C1R: variants seen among roughly 807,000 people sequenced by gnomAD.
C1R encodes complement C1r subcomponent.
In C1R, 15 loss-of-function variants were observed where a neutral mutation model predicts 27.6. The observed-to-expected ratio is 0.54, with a 90% CI of 0.36 to 0.84. The LOEUF (loss-of-function observed/expected upper bound fraction) is 0.84, where lower values mean the gene tolerates loss of function less well. Ranked by LOEUF, C1R falls within the 40% of genes least tolerant of loss-of-function variation. The probability of loss-of-function intolerance (pLI) is 0.01; values close to 1 mark genes in which losing one functional copy is unlikely to be tolerated. For synonymous variants in C1R, 253 were observed against 228.8 expected, an observed-to-expected ratio of 1.11 and a Z score of -0.95; for missense variants, 544 against 577.9, an observed-to-expected ratio of 0.94 and a Z score of 0.60.
At chr12:7,083,444 A>G (rs1938101816) in intron 9 of C1R, among the ~76,000 whole-genome samples, 1 of 145,172 alleles carries the variant, frequency 6.9e-6, no homozygotes, top group Admixed American at 6.8e-5. Context: ...GGTGTTTGTA[A>G]TGGTGATAGT....
chr12:7,086,466 C>T lies in C1R; in HGVS notation c.1039-9G>A, dbSNP rs1032657806. Reference sequence around the variant, plus strand: ...TGCAGCACCTGGTTCCCCTGTTGAGCAGAGGATAGAGGTGCCATCAGTGCC... The same window carrying T: ...TGCAGCACCTGGTTCCCCTGTTGAGTAGAGGATAGAGGTGCCATCAGTGCC... On this transcript the variant is annotated splice_polypyrimidine_tract_variant and intron_variant, in intron 7 of 10. Coordinates refer to ENST00000647956, the MANE Select transcript of C1R (RefSeq NM_001733.7). The T allele has an allele frequency of 5.0e-5, 20 of 398,546 alleles. No individual in the cohort carries two copies. The highest frequency in any genetic ancestry group is 6.2e-4 in the Middle Eastern group (1 of 1,610). The allele number at this position is 398,546 out of a possible 1,614,324, so 24.7% of individuals were successfully genotyped here.
chr12:7,080,841 A>C lies in C1R; in HGVS notation c.1809T>G (p.Ile603Met). Reference sequence around the variant, plus strand: ...GACGGACAAACCTGAGGTCATGAGCAATCTTCTCCTCCATGACCCCGAAGC... The same window carrying C: ...GACGGACAAACCTGAGGTCATGAGCCATCTTCTCCTCCATGACCCCGAAGC... ...VSGFGVMEEK[I>M]AHDLRFVRLP... Residue 603 changes from isoleucine to methionine, a missense_variant, in exon 11 of 11, where the codon ATT becomes ATG. Ile to Met is a conservative substitution (Grantham distance 10). Coordinates refer to ENST00000647956, the MANE Select transcript of C1R (RefSeq NM_001733.7). The surrounding 1 kb of genome is among the most constrained non-coding windows in gnomAD (Gnocchi z 4.9). 6.2e-7 allele frequency: 1 copy of C among 1,613,944 alleles called. No homozygotes were observed. The highest frequency in any genetic ancestry group is 8.5e-7 in the Non-Finnish European group (1 of 1,179,862).
Position 7,080,907 on chromosome 12 carries a change from G to A in C1R, c.1743C>T (p.Asn581=), listed in dbSNP as rs373148972. 20 of 1,613,232 alleles carry A rather than the reference G, an allele frequency of 1.2e-5. No individual in the cohort carries two copies. The highest frequency in any genetic ancestry group is 1.7e-5 in the Admixed American group (1 of 59,990). Residue 581 remains asparagine (N), a synonymous_variant, in exon 11 of 11, where the codon AAC becomes AAT. Coordinates refer to ENST00000647956, the MANE Select transcript of C1R (RefSeq NM_001733.7). This position sits in a 1 kb window ranked among gnomAD's most constrained non-coding sequence, Gnocchi z 4.9. ...TCAAGCCCAGGTCGTAGAAGGTATC[G>A]TTGTCAGGGAGGCAGATGGGGAGGA... The part of the protein sequence containing the change: ...PNLLPICLPD[N]DTFYDLGLMG...
At chr12:7,087,316 G>A (rs1331149529) in intron 7 of C1R, 1 of 153,002 alleles carries the variant, frequency 6.5e-6, no homozygotes, top group Non-Finnish European at 1.5e-5. Context: ...CTTGGGAGGC[G>A]GAGTTTACAG....
At position 7,088,927 on chromosome 12, in the gene C1R, G is replaced by T; in HGVS notation, c.828C>A (p.Leu276=). ...EFCGKQRPPD[L]DTSSNAVDLL... is the part of the protein sequence containing the mutation. ...GATCCACAGCATTGCTGCTGGTGTC[G>T]AGGTCGGGGGGCCTTTGCTTCCCAC... Residue 276 remains leucine, a synonymous_variant, in exon 6 of 11, where the codon CTC becomes CTA. Transcript: ENST00000647956. The T allele has an allele frequency of 1.3e-6, 1 of 763,226 alleles. No individual in the cohort carries two copies. The allele number at this position is 763,226 out of a possible 1,614,324, so 47.3% of individuals were successfully genotyped here. A position where few individuals can be genotyped will look rare whatever the true frequency, so the allele number is the denominator to read the frequency against.
At position 7,091,315 on chromosome 12, in the gene C1R, C is replaced by T; in HGVS notation, c.231+137G>A. 1.5e-6 allele frequency: 1 copy of T among 646,658 alleles called. No individual in the cohort carries two copies. Among genetic ancestry groups the T allele is most frequent in the Non-Finnish European group, 2.8e-6 (1 of 363,600 alleles). 40.1% of individuals were successfully genotyped at this position (646,658 alleles called of 1,614,324 possible). ...ACCAGTGAGCGCCCATCCAGGGCATCCCCGGGCTCTCAGAGAGGCCGTTGG... is the reference window on the plus strand; with the variant it reads ...ACCAGTGAGCGCCCATCCAGGGCATTCCCGGGCTCTCAGAGAGGCCGTTGG... On this transcript the variant is annotated intron_variant, in intron 2 of 10. Transcript: ENST00000647956. The surrounding 1 kb of genome is among the most constrained non-coding windows in gnomAD (Gnocchi z 5.1).
rs768487195 is a variant in C1R, at chr12:7,089,378, C to T, written c.683G>A (p.Arg228Gln). The change falls in exon 5 of 11, where the codon CGG becomes CAG. Residue 228 changes from arginine (R) to glutamine (Q), a missense_variant. Physicochemically the swap from Arg to Gln is conservative, Grantham distance 43 (BLOSUM62 1). Transcript: ENST00000647956. ...GAACTTGAGGTGCAGGGTGAGGCCC[C>T]GCTCCACCCGGATGCTGTAGTTGCA... ...LRCNYSIRVERGLTLHLKFLE... is the reference protein window; with the variant it reads ...LRCNYSIRVEQGLTLHLKFLE... The T allele has an allele frequency of 1.3e-5, 10 of 780,434 alleles. No homozygotes were observed. The highest frequency in any genetic ancestry group is 2.7e-5 in the South Asian group (2 of 74,600). 48.3% of individuals were successfully genotyped at this position (780,434 alleles called of 1,614,324 possible).
At position 7,089,506 on chromosome 12, in the gene C1R, A is replaced by G. The variant is rs1938221680; in HGVS notation, c.572-17T>C. The stretch of plus-strand genomic sequence containing the variant: ...TGCACTCAGCTGTGAGAGCAGAGCC[A>G]CAGGGCATTACGGGGGACTCCAGCT... On this transcript the variant is annotated splice_polypyrimidine_tract_variant and intron_variant, in intron 4 of 10. Transcript: ENST00000647956. 1.3e-6 allele frequency: 1 copy of G among 778,172 alleles called. No homozygotes were observed. Among genetic ancestry groups the G allele is most frequent in the African/African-American group, 1.7e-5 (1 of 59,084 alleles). The allele number at this position is 778,172 out of a possible 1,614,324, so 48.2% of individuals were successfully genotyped here. A position where few individuals can be genotyped will look rare whatever the true frequency, so the allele number is the denominator to read the frequency against.
intron 3 of C1R, 88 bp from the exon 4 acceptor site, chr12:7,089,821 C>T: frequency 1.4e-6 from 1 of 730,846 alleles, no homozygotes; most frequent in Non-Finnish European, 2.5e-6. Flanking sequence ...CACCAGAGAC[C>T]TAAAGACAAA....
intron 9 of C1R, 29 bp from the exon 10 acceptor site, chr12:7,082,135 T>TG (rs1336990927): frequency 2.4e-6 from 3 of 1,270,768 alleles, no homozygotes; most frequent in Non-Finnish European, 3.3e-6. Flanking sequence ...AGAATCAAGT[T>TG]GGGGGGTGAT....
Position 7,090,259 on chromosome 12 carries a change from A to G in C1R, c.232-11T>C, listed in dbSNP as rs1444971318. Reference sequence around the variant, plus strand: ...CTTATCAGCAGAGATCTGGTGGAAGAAGGACAGGGGGTAGGAAGAAGATCT... The same window carrying G: ...CTTATCAGCAGAGATCTGGTGGAAGGAGGACAGGGGGTAGGAAGAAGATCT... On this transcript the variant is annotated splice_polypyrimidine_tract_variant and intron_variant, in intron 2 of 10. Coordinates refer to ENST00000647956, the MANE Select transcript of C1R (RefSeq NM_001733.7). The G allele has an allele frequency of 1.4e-6, 1 of 723,146 alleles. No individual in the cohort carries two copies. The highest frequency in any genetic ancestry group is 1.5e-5 in the South Asian group (1 of 68,122). The allele number at this position is 723,146 out of a possible 1,614,324, so 44.8% of individuals were successfully genotyped here.
At chr12:7,085,669 T>C (rs1938145513) in intron 9 of C1R, among the ~76,000 whole-genome samples, 192 bp downstream of exon 9, 1 of 152,034 alleles carries the variant, frequency 6.6e-6, no homozygotes, top group Non-Finnish European at 1.5e-5. Flanking sequence ...TTGAATCTTT[T>C]CTTTGCATCA....
intron 10 of C1R, 99 bp from the exon 11 acceptor site, chr12:7,081,400 C>T: frequency 9.3e-7 from 1 of 1,077,312 alleles, no homozygotes; most frequent in South Asian, 1.3e-5. Context: ...CTCTTTTTGG[C>T]TTCTGTCTCT....
chr12:7,084,815 ATAG>A (rs1938114357), intron 9 of C1R, among the ~76,000 whole-genome samples: 1 of 130,868 alleles, frequency 7.6e-6, no homozygotes, highest in Non-Finnish European at 1.6e-5. Context: ...GAGAGTGGTG[ATAG>A]TGGTGTTGGT....
rs1364385149 is a variant in C1R, at chr12:7,081,288, G to A, written c.1362C>T (p.Pro454=). ...GCTGCCTCTGTTCCACGGGGTTCACGGGCTTCCCACACACTGAGGGAGAGA... is the reference window on the plus strand; with the variant it reads ...GCTGCCTCTGTTCCACGGGGTTCACAGGCTTCCCACACACTGAGGGAGAGA... The part of the protein sequence containing the change: ...IPRCLPVCGK[P]VNPVEQRQRI... Residue 454 remains proline, a synonymous_variant, in exon 11 of 11, where the codon CCC becomes CCT. Transcript: ENST00000647956. The A allele has an allele frequency of 5.6e-6, 9 of 1,609,860 alleles. No homozygotes were observed. The highest frequency in any genetic ancestry group is 4.0e-5 in the African/African-American group (3 of 74,802).
chr12:7,090,699 C>T (rs1018555378), intron 2 of C1R, among the ~76,000 whole-genome samples: 11 of 152,166 alleles, frequency 7.2e-5, no homozygotes, highest in African/African-American at 1.9e-4. Context: ...ATGCCCTCGG[C>T]GGAACATGAG....
Position 7,090,696 on chromosome 12 carries a change from C to T in C1R, c.232-448G>A, listed in dbSNP as rs1365090274. ...CACCTCGAGTGCCTCCTGATGCCCT[C>T]GGCGGAACATGAGCCCTGAAGCCCA... On this transcript the variant is annotated intron_variant, in intron 2 of 10. Transcript: ENST00000647956. Among the ~76,000 whole-genome samples the T allele has an allele frequency of 2.6e-5, 4 of 152,306 alleles. No individual in the cohort carries two copies. The South Asian group carries it at 6.2e-4, about 24-fold the overall frequency.
rs767396740 is a variant in C1R at position 7,080,521 on chromosome 12, G to A, written c.*11C>T. The A allele has an allele frequency of 3.3e-6, 5 of 1,532,580 alleles. No homozygotes were observed. The highest frequency in any genetic ancestry group is 4.4e-6 in the Non-Finnish European group (5 of 1,140,422). 94.9% of individuals were successfully genotyped at this position (1,532,580 alleles called of 1,614,324 possible). On this transcript the variant is annotated 3_prime_UTR_variant, in exon 11 of 11. Transcript: ENST00000647956. This position sits in a 1 kb window ranked among gnomAD's most constrained non-coding sequence, Gnocchi z 4.9. ...ACTGCTCTCTGGATTCGAACCTAGT[G>A]AATTCTGGGCTCAGTCCTCCTCCTC...
At chr12:7,092,242 TTG>T in intron 1 of C1R, 143 bp downstream of exon 1, 1 of 718,302 alleles carries the variant, frequency 1.4e-6, no homozygotes, top group South Asian at 1.5e-5. Flanking sequence ...GGGGCGTGTG[TTG>T]TGTGTGTCCA....
Sources: allele counts gnomAD v4.1 joint callset (sites outside exome capture counted in the v4.1 genomes callset), GRCh38; gene constraint gnomAD v4.1.1; non-coding constraint Gnocchi (gnomAD v3.1); transcripts MANE v1.5; gene names NCBI Gene and HGNC (gene_info 2026-07-23, HGNC 2026-07-21).